Variants in ABCB7 observed in about 807,000 individuals in gnomAD.
The protein encoded by ABCB7 is iron-sulfur clusters transporter ABCB7, mitochondrial.
ABCB7 carries 7 observed loss-of-function variants against 54.4 expected under a neutral mutation model. That is an observed-to-expected ratio of 0.13 (90% confidence interval 0.07 to 0.24). The LOEUF is 0.24. ABCB7 is among the 10% of genes least tolerant of loss of function. The pLI, the probability that ABCB7 is intolerant of heterozygous loss-of-function variation, is 1.00. For missense variants in ABCB7, 356 were observed against 570.4 expected, an observed-to-expected ratio of 0.62 and a Z score of 3.83; for synonymous variants, 218 against 207.1, an observed-to-expected ratio of 1.05 and a Z score of -0.45.
intron 1 of ABCB7, among the ~76,000 whole-genome samples, chrX:75,135,124 A>T (rs1323418999): frequency 9.1e-6 from 1 of 109,877 alleles, no homozygotes; most frequent in Non-Finnish European, 1.9e-5. Flanking sequence ...ACACAATCAG[A>T]AATGACAAAG....
chrX:75,143,125 C>G lies in ABCB7; in HGVS notation c.168+12980G>C, dbSNP rs760751542. 5.4e-5 allele frequency among the ~76,000 whole-genome samples: 6 copies of G among 111,938 alleles called. No homozygotes were observed. The South Asian group carries it at 2.3e-3, about 42-fold the overall frequency. ...CAATGGATTATGGAAGCACAAAGGGCTCTGTTTCCTTTTTAAAACTGAATG... is the reference window on the plus strand; with the variant it reads ...CAATGGATTATGGAAGCACAAAGGGGTCTGTTTCCTTTTTAAAACTGAATG... On this transcript the variant is annotated intron_variant, in intron 1 of 15. Transcript: ENST00000373394.
chrX:75,075,224 A>C (rs755862895), intron 6 of ABCB7, 138 bp downstream of exon 6: 19 of 674,187 alleles, frequency 2.8e-5, no homozygotes, highest in Non-Finnish European at 4.2e-5. Flanking sequence ...CAAAATAATT[A>C]AACTGCATAA....
chrX:75,106,389 C>G (rs2081702103), intron 3 of ABCB7, among the ~76,000 whole-genome samples: 1 of 111,731 alleles, frequency 9.0e-6, no homozygotes, highest in Admixed American at 9.4e-5. Context: ...CAAAGAAATC[C>G]AAACTAAAAC....
At chrX:75,093,899 A>G (rs1334300352) in intron 4 of ABCB7, among the ~76,000 whole-genome samples, 2 of 107,550 alleles carry the variant, frequency 1.9e-5, no homozygotes, top group African/African-American at 6.8e-5. Flanking sequence ...TTAAAGTTAC[A>G]AATGTCAAAA....
rs746748511 is a variant in ABCB7, at chrX:75,115,648, C to A, written c.169-817G>T. On this transcript the variant is annotated intron_variant, in intron 1 of 15. Coordinates refer to ENST00000373394, the MANE Select transcript of ABCB7 (RefSeq NM_001271696.3). ...AGTTTTGACAAACGATTCTATGTAA[C>A]CAGATGACGGACTCTGTAAGCCAAA... Among the ~76,000 whole-genome samples, 11 of 108,307 alleles carry A rather than the reference C, an allele frequency of 1.0e-4. No individual in the cohort carries two copies. The East Asian group carries it at 2.3e-3, about 23-fold the overall frequency. 94.1% of individuals were successfully genotyped at this position (108,307 alleles called of 115,157 possible). A position where few individuals can be genotyped will look rare whatever the true frequency, so the allele number is the denominator to read the frequency against.
intron 14 of ABCB7, 132 bp downstream of exon 14, chrX:75,062,196 G>T (rs1297516132): frequency 1.9e-6 from 1 of 531,656 alleles, no homozygotes; most frequent in East Asian, 3.7e-5. Context: ...GGAAAAAGGG[G>T]GATAGGCATT....
chrX:75,139,228 C>T (rs1321778914), intron 1 of ABCB7, among the ~76,000 whole-genome samples: 1 of 111,229 alleles, frequency 9.0e-6, no homozygotes, highest in African/African-American at 3.3e-5. Context: ...ACTCCAAACA[C>T]CCTTGGAATG....
chrX:75,075,685 G>C, intron 5 of ABCB7, 55 bp from the exon 6 acceptor site: 1 of 1,092,224 alleles, frequency 9.2e-7, no homozygotes, highest in South Asian at 2.0e-5. Context: ...AATCAAAGGA[G>C]TATAGAAATG....
At chrX:75,079,513 T>G (rs2147476574) in intron 4 of ABCB7, among the ~76,000 whole-genome samples, 1 of 111,837 alleles carries the variant, frequency 8.9e-6, no homozygotes, top group East Asian at 2.8e-4. Flanking sequence ...CTTTTTTATT[T>G]TGAAATAATG....
At chrX:75,121,352 T>C (rs180671490) in intron 1 of ABCB7, among the ~76,000 whole-genome samples, 10 of 108,751 alleles carry the variant, frequency 9.2e-5, no homozygotes, top group Non-Finnish European at 1.9e-5. Context: ...ATACAAATAA[T>C]CAGGCCAAGC....
chrX:75,076,019 G>A (rs2081406297), intron 5 of ABCB7, among the ~76,000 whole-genome samples: 1 of 111,178 alleles, frequency 9.0e-6, no homozygotes, highest in Admixed American at 9.6e-5. Context: ...TTGACTAAAG[G>A]CATACCCCTA....
intron 1 of ABCB7, among the ~76,000 whole-genome samples, chrX:75,126,973 C>T (rs918849951): frequency 1.8e-5 from 2 of 111,126 alleles, no homozygotes; most frequent in Admixed American, 1.9e-4. Flanking sequence ...GAATTCTACC[C>T]GAGGTACAAA....
Position 75,113,635 on chromosome X carries a change from T to TA in ABCB7, c.247-664dup, listed in dbSNP as rs201542464. ...TACACACGGGCAAGGTAAGTTTCAATACTTGTTGGATTAGATGATTTTTCA... is the reference window on the plus strand; with the variant it reads ...TACACACGGGCAAGGTAAGTTTCAATAACTTGTTGGATTAGATGATTTTTCA... On this transcript the variant is annotated intron_variant, in intron 2 of 15. Coordinates refer to ENST00000373394, the MANE Select transcript of ABCB7 (RefSeq NM_001271696.3). Among the ~76,000 whole-genome samples the TA allele has an allele frequency of 9.2e-3, 1,030 of 111,735 alleles. 13 individuals are homozygous for TA. Among genetic ancestry groups the TA allele is most frequent in the Non-Finnish European group, 0.016 (834 of 53,082 alleles).
chrX:75,154,047 T>G (rs1275200410), intron 1 of ABCB7, among the ~76,000 whole-genome samples: 1 of 109,998 alleles, frequency 9.1e-6, no homozygotes, highest in East Asian at 2.8e-4. Flanking sequence ...GTACCTCAGG[T>G]TACCTCAGCT....
intron 1 of ABCB7, among the ~76,000 whole-genome samples, chrX:75,136,068 C>T (rs767965871): frequency 1.5e-4 from 17 of 110,081 alleles, no homozygotes; most frequent in Non-Finnish European, 2.5e-4. Flanking sequence ...ATGATACTAT[C>T]ATATCATCTA....
intron 4 of ABCB7, among the ~76,000 whole-genome samples, chrX:75,095,163 CCTTT>C (rs968726589): frequency 9.0e-6 from 1 of 111,468 alleles, no homozygotes; most frequent in African/African-American, 3.3e-5. Context: ...ACTTGACAAT[CCTTT>C]CTTTCTTCTT....
At chrX:75,056,847 C>A (rs1198580454) in intron 15 of ABCB7, among the ~76,000 whole-genome samples, 1 of 111,603 alleles carries the variant, frequency 9.0e-6, no homozygotes, top group African/African-American at 3.3e-5. Flanking sequence ...AAAATAGTCT[C>A]AAAATGGTTA....
intron 3 of ABCB7, among the ~76,000 whole-genome samples, chrX:75,101,515 G>T: frequency 9.0e-6 from 1 of 111,292 alleles, no homozygotes; most frequent in South Asian, 3.8e-4. Context: ...AATGCTGAAA[G>T]TATAGTTCTT....
chrX:75,093,573 T>G (rs1042849680), intron 4 of ABCB7, among the ~76,000 whole-genome samples: 2 of 110,805 alleles, frequency 1.8e-5, no homozygotes, highest in Non-Finnish European at 3.8e-5. Flanking sequence ...AACTATGGAC[T>G]TGGTTAATAA....
Sources: gnomAD v4.1 joint callset for allele counts (sites outside exome capture counted in the v4.1 genomes callset) on GRCh38, gnomAD v4.1.1 for gene constraint, MANE v1.5 for transcripts, NCBI Gene and HGNC (gene_info 2026-07-23, HGNC 2026-07-21) for gene names.